MYL1: variants seen among roughly 807,000 people sequenced by gnomAD.
MYL1 encodes myosin light chain 1.
MYL1 carries 16 observed loss-of-function variants against 21.8 expected under a neutral mutation model. That is an observed-to-expected ratio of 0.74 (90% CI 0.50 to 1.12). The LOEUF is 1.12. Ranked by LOEUF, MYL1 falls within the 50% of genes most tolerant of loss-of-function variation. The pLI is 0.00. For missense variants in MYL1, 246 were observed against 241.0 expected (o/e 1.02, Z -0.14); for synonymous variants, 99 against 85.2 (o/e 1.16, Z -0.89).
chr2:210,292,912 G>C (rs957581068), intron 5 of MYL1, among the ~76,000 whole-genome samples: 1 of 152,004 alleles, frequency 6.6e-6, no homozygotes, highest in Non-Finnish European at 1.5e-5. Flanking sequence ...AAGAATTGTC[G>C]ACGGGGAAAA....
intron 5 of MYL1, 80 bp downstream of exon 5, chr2:210,293,643 G>T (rs1690118008): frequency 3.4e-6 from 4 of 1,170,588 alleles, no homozygotes; most frequent in South Asian, 1.3e-5. Flanking sequence ...GGAAGGAAGA[G>T]GAAAAGAAGC....
chr2:210,295,317 T>A (rs1428565088), intron 3 of MYL1, among the ~76,000 whole-genome samples: 2 of 152,128 alleles, frequency 1.3e-5, no homozygotes, highest in African/African-American at 4.8e-5. Context: ...TAAAGATAGA[T>A]GTTGCTAAGT....
chr2:210,314,940 C>T lies in MYL1; in HGVS notation c.103G>A (p.Glu35Lys). 1 of 1,613,726 alleles carries T rather than the reference C, an allele frequency of 6.2e-7. No individual in the cohort carries two copies. Among genetic ancestry groups the T allele is most frequent in the South Asian group, 1.1e-5 (1 of 91,070 alleles). ...ATGGCAGAGAGGTCAATTTTTTCTT[C>T]TTTGGGTTTGGCTGGGGCAGGGGCA... ...APAPAPAKPK[E>K]EKIDLSAIKI... The change falls in exon 1 of 7, where the codon GAA (glutamate) becomes AAA (lysine). Residue 35 changes from glutamate (E) to lysine (K), a missense_variant. Glu to Lys is a moderately conservative substitution (Grantham distance 56). Coordinates refer to ENST00000352451, the MANE Select transcript of MYL1 (RefSeq NM_079420.3).
chr2:210,293,849 C>T (rs761079428), intron 4 of MYL1, 49 bp from the exon 5 acceptor site: 4 of 1,530,604 alleles, frequency 2.6e-6, no homozygotes, highest in Non-Finnish European at 3.6e-6. Context: ...GTGTTATTTT[C>T]AAAATCCACC....
At chr2:210,307,853 G>T (rs1339749624) in intron 1 of MYL1, among the ~76,000 whole-genome samples, 3 of 152,066 alleles carry the variant, frequency 2.0e-5, no homozygotes, top group Admixed American at 1.3e-4. Flanking sequence ...AGTAATTGCG[G>T]CTTTGCCATT....
At chr2:210,300,242 A>T (rs1690243491) in intron 2 of MYL1, among the ~76,000 whole-genome samples, 1 of 152,190 alleles carries the variant, frequency 6.6e-6, no homozygotes, top group Admixed American at 6.6e-5. Flanking sequence ...TAATAGAATC[A>T]CTGTGACATT....
intron 5 of MYL1, among the ~76,000 whole-genome samples, chr2:210,293,359 C>T (rs1404695876): frequency 3.3e-5 from 5 of 152,016 alleles, no homozygotes; most frequent in East Asian, 1.9e-4. Context: ...CTATTTGGCC[C>T]GAAGTTTCAT....
intron 1 of MYL1, among the ~76,000 whole-genome samples, chr2:210,305,797 A>G (rs1333028559): frequency 2.0e-5 from 3 of 152,202 alleles, no homozygotes; most frequent in African/African-American, 7.2e-5. Flanking sequence ...GTGGTGGCTC[A>G]TGCCTGTAAT....
Position 210,313,714 on chromosome 2 carries a change from AT to A in MYL1, c.132+1196del, listed in dbSNP as rs1471601361. Among the ~76,000 whole-genome samples, 3 of 152,184 alleles carry A rather than the reference AT, an allele frequency of 2.0e-5. No individual in the cohort carries two copies. The South Asian group carries it at 6.2e-4, about 32-fold the overall frequency. On this transcript the variant is annotated intron_variant, in intron 1 of 6. Transcript: ENST00000352451. ...ATTTCATGTTTAATTGGAATGTTATATAAATTATAAATATATTTAACTTCAT... is the reference window on the plus strand; with the variant it reads ...ATTTCATGTTTAATTGGAATGTTATAAAATTATAAATATATTTAACTTCAT...
At chr2:210,308,091 G>A (rs1443659095) in intron 1 of MYL1, among the ~76,000 whole-genome samples, 1 of 151,874 alleles carries the variant, frequency 6.6e-6, no homozygotes, top group Non-Finnish European at 1.5e-5. Flanking sequence ...ACATACAATG[G>A]GGATTAATGA....
At chr2:210,292,866 C>T (rs1690100984) in intron 5 of MYL1, among the ~76,000 whole-genome samples, 1 of 152,092 alleles carries the variant, frequency 6.6e-6, no homozygotes, top group Non-Finnish European at 1.5e-5. Flanking sequence ...TTGAATGATT[C>T]TCTATGGAGT....
Position 210,298,561 on chromosome 2 carries a change from A to T in MYL1, c.163T>A (p.Phe55Ile). ...TCAAACAGGAGAAATGCCTCCTTGA[A>T]TTCTGCAAAAAGCAAGAAGCATTAG... ...IEFSKEQQDE[F>I]KEAFLLFDRT... Residue 55 changes from phenylalanine (F) to isoleucine (I), a missense_variant and splice_region_variant, in exon 3 of 7, where the codon TTC becomes ATC. Physicochemically the swap from Phe to Ile is conservative, Grantham distance 21. Coordinates refer to ENST00000352451, the MANE Select transcript of MYL1 (RefSeq NM_079420.3). 1 of 1,613,902 alleles carries T rather than the reference A, an allele frequency of 6.2e-7. No homozygotes were observed. The highest frequency in any genetic ancestry group is 8.5e-7 in the Non-Finnish European group (1 of 1,179,938).
intron 1 of MYL1, among the ~76,000 whole-genome samples, chr2:210,306,882 G>A (rs1010757070): frequency 1.3e-5 from 2 of 151,902 alleles, no homozygotes; most frequent in African/African-American, 4.8e-5. Flanking sequence ...CTTCCTTGGG[G>A]TTATCATGAT....
chr2:210,305,564 T>G (rs1262450579), intron 1 of MYL1, among the ~76,000 whole-genome samples: 1 of 152,188 alleles, frequency 6.6e-6, no homozygotes, highest in Non-Finnish European at 1.5e-5. Flanking sequence ...TTGAATCATC[T>G]TATGATTATT....
chr2:210,298,424 A>G lies in MYL1; in HGVS notation c.300T>C (p.Asn100=), dbSNP rs764143295. ...TTGGAAAAATTGATGGGTTACCTTC[A>G]TTGCTGGGGTTTCCCAGAACTTTCC... is the stretch of plus-strand genomic sequence containing the variant. The part of the protein sequence containing the change: ...EVRKVLGNPS[N]EELNAKKIEF... Residue 100 remains asparagine (N), a synonymous_variant, in exon 3 of 7, where the codon AAT becomes AAC. Transcript: ENST00000352451. 13 of 1,613,566 alleles carry G rather than the reference A, an allele frequency of 8.1e-6. No homozygotes were observed. Among genetic ancestry groups the G allele is most frequent in the Non-Finnish European group, 1.1e-5 (13 of 1,179,942 alleles).
rs1191252649 is a variant in MYL1, at chr2:210,294,359, T to G, written c.364A>C (p.Asn122His). Residue 122 changes from asparagine to histidine, a missense_variant, in exon 4 of 7, where the codon AAC becomes CAC. Asn to His is a moderately conservative substitution (Grantham distance 68). Transcript: ENST00000352451. ...QFLPMMQAIS[N>H]NKDQATYEDF... Reference sequence around the variant, plus strand: ...TCATAGGTGGCCTGGTCCTTGTTGTTGGAAATGGCTTGCATCATAGGCAGA... The same window carrying G: ...TCATAGGTGGCCTGGTCCTTGTTGTGGGAAATGGCTTGCATCATAGGCAGA... The G allele has an allele frequency of 3.1e-6, 5 of 1,614,076 alleles. No individual in the cohort carries two copies. The South Asian group carries it at 5.5e-5, about 18-fold the overall frequency.
At chr2:210,303,531 A>G in intron 1 of MYL1, 1 of 1,611,046 alleles carries the variant, frequency 6.2e-7, no homozygotes, top group South Asian at 1.1e-5. Context: ...TTATTGTCTC[A>G]TAGGACCCAC....
intron 1 of MYL1, chr2:210,302,875 C>T: frequency 6.8e-7 from 1 of 1,476,374 alleles, no homozygotes; most frequent in Non-Finnish European, 9.2e-7. Context: ...GCTGGTTGCT[C>T]TGAGATTTTT....
At chr2:210,296,619 T>C (rs778241426) in intron 3 of MYL1, among the ~76,000 whole-genome samples, 12 of 152,084 alleles carry the variant, frequency 7.9e-5, no homozygotes, top group Non-Finnish European at 1.8e-4. Context: ...GTCCTATCTC[T>C]ACAAAACAAA....
Sources: allele counts gnomAD v4.1 joint callset (sites outside exome capture counted in the v4.1 genomes callset), GRCh38; gene constraint gnomAD v4.1.1; transcripts MANE v1.5; gene names NCBI Gene and HGNC (gene_info 2026-07-23, HGNC 2026-07-21).